Variants in ZBTB49 observed in about 807,000 individuals in gnomAD.
ZBTB49 encodes the protein zinc finger and BTB domain-containing protein 49.
Under a neutral mutation model 57.5 loss-of-function variants are expected in ZBTB49, and 43 were observed. The observed-to-expected ratio is 0.75, with a 90% confidence interval of 0.59 to 0.97. The LOEUF is 0.97. Ranked by LOEUF, ZBTB49 falls within the 50% of genes least tolerant of loss-of-function variation. ZBTB49 has a pLI of 0.00. For missense variants in ZBTB49, 938 were observed against 947.7 expected, an observed-to-expected ratio of 0.99 and a Z score of 0.13; for synonymous variants, 369 against 362.1, an observed-to-expected ratio of 1.02 and a Z score of -0.22.
chr4:4,306,972 C>G (rs539096997), intron 4 of ZBTB49, among the ~76,000 whole-genome samples: 1 of 152,180 alleles, frequency 6.6e-6, no homozygotes, highest in Non-Finnish European at 1.5e-5. Context: ...GGGAGGCAGG[C>G]CCCGCAGAGC....
At position 4,302,483 on chromosome 4, in the gene ZBTB49, T is replaced by A. The variant is rs977944597; in HGVS notation, c.647T>A (p.Leu216His). The change falls in exon 3 of 8, where the codon CTC becomes CAC. Residue 216 changes from leucine to histidine, a missense_variant. Physicochemically the swap from Leu to His is moderately conservative, Grantham distance 99. Around this residue, in one of 3 missense-constraint regions of ZBTB49, gnomAD observed 835 missense variants for 819.1 expected, o/e 1.02. Coordinates refer to ENST00000337872, the MANE Select transcript of ZBTB49 (RefSeq NM_145291.4). ...PFKQPNYYYKLRNFYSKQYHK... is the reference protein window; with the variant it reads ...PFKQPNYYYKHRNFYSKQYHK... Reference sequence around the variant, plus strand: ...AAACAGCCAAATTACTATTACAAACTCAGAAACTTTTACAGTAAGCAGTAC... The same window carrying A: ...AAACAGCCAAATTACTATTACAAACACAGAAACTTTTACAGTAAGCAGTAC... The A allele has an allele frequency of 6.8e-6, 11 of 1,614,008 alleles. No homozygotes were observed. In the African/African-American group the frequency reaches 1.3e-4, roughly 20 times the overall value.
At chr4:4,313,811 A>T (rs1721077201) in intron 5 of ZBTB49, among the ~76,000 whole-genome samples, 1 of 152,266 alleles carries the variant, frequency 6.6e-6, no homozygotes, top group African/African-American at 2.4e-5. Context: ...AACAGGCATC[A>T]GCCAGGACTA....
Position 4,321,098 on chromosome 4 carries a change from G to C in ZBTB49, c.2080G>C (p.Asp694His), listed in dbSNP as rs1232956807. 1.2e-6 allele frequency: 2 copies of C among 1,614,178 alleles called. No homozygotes were observed. Among genetic ancestry groups the C allele is most frequent in the Non-Finnish European group, 1.7e-6 (2 of 1,180,044 alleles). Residue 694 changes from aspartate to histidine, a missense_variant, in exon 8 of 8, where the codon GAT becomes CAT. Coordinates refer to ENST00000337872, the MANE Select transcript of ZBTB49 (RefSeq NM_145291.4). ...ACAGCCTCAGGCCTATGCTTACTCG[G>C]ATGTGGACACCCCAGCCGGTGGCGA... The part of the protein sequence containing the change: ...QTQPQAYAYS[D>H]VDTPAGGEPL...
At position 4,291,657 on chromosome 4, in the gene ZBTB49, A is replaced by C. The variant is rs185350459; in HGVS notation, c.-20+1305A>C. On this transcript the variant is annotated intron_variant, in intron 1 of 7. Transcript: ENST00000337872. ...ACTTCAGTCTTGTTTGTGCTCTCGT[A>C]CTGTTTTTGGGTTTGGTTGTTGTTG... is the stretch of plus-strand genomic sequence containing the variant. Among the ~76,000 whole-genome samples, 165 of 152,272 alleles carry C rather than the reference A, an allele frequency of 1.1e-3. 3 individuals carry two copies. The highest frequency in any genetic ancestry group is 0.01 in the Admixed American group (154 of 15,294).
intron 5 of ZBTB49, among the ~76,000 whole-genome samples, chr4:4,314,459 C>T (rs952455066): frequency 1.2e-4 from 19 of 152,364 alleles, no homozygotes; most frequent in African/African-American, 4.1e-4. Context: ...GCAACCTCCA[C>T]CCCCTGGGTT....
In ZBTB49 at chr4:4,315,967, T is replaced by TGC. The variant is rs1231249315; in HGVS notation, c.1620_1621dup (p.Gly541AlafsTer84). ...GGAGCGGCCTTACAGCTGCTCTGCCTGCGGTGAGTTTGGGTTTCTGGCTGT... is the reference window on the plus strand; with the variant it reads ...GGAGCGGCCTTACAGCTGCTCTGCCTGCGCGGTGAGTTTGGGTTTCTGGCTGT... On this transcript the variant is annotated frameshift_variant, in exon 7 of 8. Transcript: ENST00000337872. LOFTEE classifies it low-confidence loss of function (END_TRUNC). 3 of 1,613,788 alleles carry TGC rather than the reference T, an allele frequency of 1.9e-6. No homozygotes were observed. The highest frequency in any genetic ancestry group is 3.3e-5 in the Admixed American group (2 of 60,008).
At position 4,321,334 on chromosome 4, in the gene ZBTB49, C is replaced by T. The variant is rs374200142; in HGVS notation, c.*18C>T. The T allele has an allele frequency of 4.6e-4, 738 of 1,602,794 alleles. No individual in the cohort carries two copies. The highest frequency in any genetic ancestry group is 5.9e-4 in the Non-Finnish European group (695 of 1,179,082). ...ACCAGTGATGTACCGCGCTTCTCCA[C>T]GGTAGAGGCGTGTTCTCAGTTTAGC... On this transcript the variant is annotated 3_prime_UTR_variant, in exon 8 of 8. Transcript: ENST00000337872.
intron 7 of ZBTB49, 127 bp from the exon 8 acceptor site, chr4:4,320,513 G>A (rs573734140): frequency 4.2e-5 from 48 of 1,145,070 alleles, no homozygotes; most frequent in African/African-American, 1.7e-4. Context: ...GGTGTCATGC[G>A]CCTGTCGTCC....
intron 1 of ZBTB49, among the ~76,000 whole-genome samples, chr4:4,293,397 A>G (rs1560103144): frequency 1.3e-5 from 2 of 152,248 alleles, no homozygotes; most frequent in African/African-American, 4.8e-5. Context: ...CATAGGCAGT[A>G]GACTGAAGAG....
In ZBTB49 at chr4:4,321,603, A is replaced by G. The variant is rs571075020; in HGVS notation, c.*287A>G. The G allele has an allele frequency of 1.3e-4, 62 of 488,278 alleles. No individual in the cohort carries two copies. The highest frequency in any genetic ancestry group is 2.0e-4 in the Non-Finnish European group (54 of 273,734). 30.2% of individuals were successfully genotyped at this position (488,278 alleles called of 1,614,324 possible). A position where few individuals can be genotyped will look rare whatever the true frequency, so the allele number is the denominator to read the frequency against. On this transcript the variant is annotated 3_prime_UTR_variant, in exon 8 of 8. Transcript: ENST00000337872. Reference sequence around the variant, plus strand: ...AGCTGTGGGGGGGAAGCGCGTGTGCATCGTGTCAACTACTGTACATGTTGG... The same window carrying G: ...AGCTGTGGGGGGGAAGCGCGTGTGCGTCGTGTCAACTACTGTACATGTTGG...
In ZBTB49 at chr4:4,302,737, A is replaced by T; in HGVS notation, c.901A>T (p.Met301Leu). ...CACATGCCAACAACCTGTCAAGCAG[A>T]TGAGGCTCAAAAAGGCCATTCATCT... ...DATCQQPVKQMRLKKAIHLKK... is the reference protein window; with the variant it reads ...DATCQQPVKQLRLKKAIHLKK... Residue 301 changes from methionine (M) to leucine (L), a missense_variant, in exon 3 of 8, where the codon ATG (methionine) becomes TTG (leucine). Met to Leu is a conservative substitution (Grantham distance 15). Transcript: ENST00000337872. The T allele has an allele frequency of 1.2e-6, 2 of 1,614,064 alleles. No homozygotes were observed. Among genetic ancestry groups the T allele is most frequent in the Non-Finnish European group, 1.7e-6 (2 of 1,179,992 alleles).
chr4:4,303,630 CAAAAG>C (rs1015324452), intron 3 of ZBTB49, among the ~76,000 whole-genome samples: 3 of 151,980 alleles, frequency 2.0e-5, no homozygotes, highest in Admixed American at 6.6e-5. Flanking sequence ...TTGATATTCT[CAAAAG>C]AAAATTCTTC....
intron 1 of ZBTB49, among the ~76,000 whole-genome samples, chr4:4,296,531 T>C (rs1393035058): frequency 6.6e-6 from 1 of 152,244 alleles, no homozygotes; most frequent in Non-Finnish European, 1.5e-5. Flanking sequence ...TGCTCCTCCT[T>C]GCCTTTCACC....
intron 1 of ZBTB49, among the ~76,000 whole-genome samples, chr4:4,296,615 G>A (rs940982005): frequency 6.6e-6 from 1 of 152,162 alleles, no homozygotes; most frequent in African/African-American, 2.4e-5. Flanking sequence ...TTTGTAAATT[G>A]CCCAGTCTTG....
At position 4,321,310 on chromosome 4, in the gene ZBTB49, C is replaced by G. The variant is rs1401718151; in HGVS notation, c.2292C>G (p.Asp764Glu). The G allele has an allele frequency of 3.7e-6, 6 of 1,609,786 alleles. No homozygotes were observed. Among genetic ancestry groups the G allele is most frequent in the Non-Finnish European group, 5.1e-6 (6 of 1,180,000 alleles). ...CGCTGCAGAATGAAAACGAGTTAGA[C>G]CAGTGATGTACCGCGCTTCTCCACG... ...MKTLQNENELDQ is the reference protein window; with the variant it reads ...MKTLQNENELEQ Residue 764 changes from aspartate (D) to glutamate (E), a missense_variant, in exon 8 of 8, where the codon GAC becomes GAG. Physicochemically the swap from Asp to Glu is conservative, Grantham distance 45. This residue lies in a region of ZBTB49 where 835 missense variants were observed against 819.1 expected (regional missense o/e 1.02). Coordinates refer to ENST00000337872, the MANE Select transcript of ZBTB49 (RefSeq NM_145291.4).
Position 4,320,772 on chromosome 4 carries a change from A to G in ZBTB49, c.1754A>G (p.His585Arg). The change falls in exon 8 of 8, where the codon CAC (histidine) becomes CGC (arginine). Residue 585 changes from histidine to arginine, a missense_variant. This residue lies in a region of ZBTB49 where 835 missense variants were observed against 819.1 expected (regional missense o/e 1.02). Coordinates refer to ENST00000337872, the MANE Select transcript of ZBTB49 (RefSeq NM_145291.4). ...SAVLRRHKKMHCKAGDESPDV... is the reference protein window; with the variant it reads ...SAVLRRHKKMRCKAGDESPDV... ...GTGCTCCGGCGGCACAAGAAGATGC[A>G]CTGCAAAGCTGGTGACGAGAGCCCA... 3 of 1,614,224 alleles carry G rather than the reference A, an allele frequency of 1.9e-6. No individual in the cohort carries two copies. The highest frequency in any genetic ancestry group is 1.7e-6 in the Non-Finnish European group (2 of 1,180,038).
At chr4:4,307,355 C>G (rs374165558) in intron 4 of ZBTB49, among the ~76,000 whole-genome samples, 7 of 152,210 alleles carry the variant, frequency 4.6e-5, no homozygotes, top group South Asian at 2.1e-4. Flanking sequence ...TTCCTGCCAG[C>G]CTGGCCTGGG....
chr4:4,295,430 C>T (rs765306625), intron 1 of ZBTB49, among the ~76,000 whole-genome samples: 2 of 152,124 alleles, frequency 1.3e-5, no homozygotes, highest in African/African-American at 4.8e-5. Context: ...GGTCCCTCCC[C>T]TGACATGTGG....
rs1223289249 is a variant in ZBTB49 at position 4,303,760 on chromosome 4, C to CTCTGTGTGTGTGTG, written c.1255+670_1255+671insCTGTGTGTGTGTGT. 1.6e-3 allele frequency among the ~76,000 whole-genome samples: 198 copies of CTCTGTGTGTGTGTG among 121,394 alleles called. 1 individual carries two copies. Among genetic ancestry groups the CTCTGTGTGTGTGTG allele is most frequent in the African/African-American group, 6.4e-3 (192 of 30,114 alleles). 79.6% of individuals were successfully genotyped at this position (121,394 alleles called of 152,430 possible). ...TCTCTCTCTCTCTCTCTCTCTCTCT[C>CTCTGTGTGTGTGTG]TGTGTGTGTGTCTCTCTCTCTCTCT... On this transcript the variant is annotated intron_variant, in intron 3 of 7. Transcript: ENST00000337872.
Sources: allele counts gnomAD v4.1 joint callset (sites outside exome capture counted in the v4.1 genomes callset), GRCh38; gene constraint gnomAD v4.1.1; regional missense constraint gnomAD v4.1.1; transcripts MANE v1.5; gene names NCBI Gene and HGNC (gene_info 2026-07-23, HGNC 2026-07-21).